The following PPM1L variants were observed in gnomAD, a reference collection of about 807,000 sequenced individuals.
The protein encoded by PPM1L is protein phosphatase, Mg2+/Mn2+ dependent 1L.
A neutral mutation model predicts 31.4 loss-of-function variants in PPM1L; 13 were observed. The observed-to-expected ratio is 0.41, with a 90% CI of 0.27 to 0.66. The LOEUF (loss-of-function observed/expected upper bound fraction) is 0.66. Ranked by LOEUF, PPM1L falls within the 30% of genes least tolerant of loss-of-function variation. The probability of loss-of-function intolerance (pLI) is 0.29; values close to 1 mark genes in which losing one functional copy is unlikely to be tolerated. For missense variants in PPM1L, 326 were observed against 453.7 expected, an observed-to-expected ratio of 0.72 and a Z score of 2.56; for synonymous variants, 184 against 175.4, an observed-to-expected ratio of 1.05 and a Z score of -0.39.
At chr3:160,939,573 A>G (rs1010982394) in intron 1 of PPM1L, 1 of 152,364 alleles carries the variant, frequency 6.6e-6, no homozygotes, top group African/African-American at 2.4e-5. Context: ...TATTCTCATG[A>G]TAGAGAATAA....
intron 1 of PPM1L, among the ~76,000 whole-genome samples, chr3:160,862,622 T>C (rs1471499682): frequency 1.3e-5 from 2 of 150,728 alleles, no homozygotes; most frequent in Non-Finnish European, 2.9e-5. Context: ...ATAGGAGATG[T>C]ACAGAAAGTT....
chr3:160,847,778 A>G (rs1317258701), intron 1 of PPM1L, among the ~76,000 whole-genome samples: 1 of 152,208 alleles, frequency 6.6e-6, no homozygotes, highest in African/African-American at 2.4e-5. Flanking sequence ...ACAATATGCT[A>G]AACTTCTCTC....
intron 1 of PPM1L, among the ~76,000 whole-genome samples, chr3:160,774,498 T>TA (rs952464541): frequency 1.3e-5 from 2 of 152,180 alleles, no homozygotes; most frequent in African/African-American, 2.4e-5. Flanking sequence ...TTTCTTTTTT[T>TA]AAAAAAACCT....
chr3:160,944,783 T>TTATATATTATA (rs1304314117), intron 1 of PPM1L, among the ~76,000 whole-genome samples: 1 of 52,576 alleles, frequency 1.9e-5, no homozygotes, highest in Non-Finnish European at 4.6e-5. Flanking sequence ...ATATATTATA[T>TTATATATTATA]TATATATGTT....
Position 160,898,104 on chromosome 3 carries a change from A to G in PPM1L, c.400-63632A>G, listed in dbSNP as rs553305643. ...TATTTAATGAGTAAAAAGGACCTCC[A>G]GTAAAGAGTAATGCACCATAATTGT... On this transcript the variant is annotated intron_variant, in intron 1 of 3. Transcript: ENST00000498165. Among the ~76,000 whole-genome samples, 127 of 152,342 alleles carry G rather than the reference A, an allele frequency of 8.3e-4. 1 individual carries two copies. The highest frequency in any genetic ancestry group is 2.9e-3 in the African/African-American group (119 of 41,586).
intron 1 of PPM1L, among the ~76,000 whole-genome samples, chr3:160,878,967 T>A (rs1320231070): frequency 1.3e-5 from 2 of 152,220 alleles, no homozygotes; most frequent in African/African-American, 2.4e-5. Context: ...CAAACATTTA[T>A]TAAACTCAGA....
At chr3:161,056,889 C>G (rs1012087904) in intron 2 of PPM1L, among the ~76,000 whole-genome samples, 1 of 152,030 alleles carries the variant, frequency 6.6e-6, no homozygotes, top group Admixed American at 6.6e-5. Flanking sequence ...TGGTGAAACC[C>G]CGTCTCTACT....
intron 1 of PPM1L, among the ~76,000 whole-genome samples, chr3:160,910,241 T>C: frequency 3.1e-5 from 1 of 32,602 alleles, no homozygotes; most frequent in Non-Finnish European, 5.5e-5. Context: ...CCCCTTCCCC[T>C]TTCCTTTCCC....
intron 1 of PPM1L, among the ~76,000 whole-genome samples, chr3:160,959,406 T>G (rs191066217): frequency 6.6e-6 from 1 of 152,280 alleles, no homozygotes; most frequent in Admixed American, 6.5e-5. Flanking sequence ...AAGAACTTAC[T>G]TATATAACCA....
Position 161,070,320 on chromosome 3 carries a change from A to C in PPM1L, c.*1163A>C, listed in dbSNP as rs570411152. ...CTACTGGGATAAGCTTCTCCTTGAC[A>C]ATGGAAAGGCAGCAGTCTTCAACAT... is the stretch of plus-strand genomic sequence containing the variant. On this transcript the variant is annotated 3_prime_UTR_variant, in exon 4 of 4. Transcript: ENST00000498165. 1 of 152,318 alleles carries C rather than the reference A, an allele frequency of 6.6e-6. No individual in the cohort carries two copies. The highest frequency in any genetic ancestry group is 2.1e-4 in the South Asian group (1 of 4,828). The allele number at this position is 152,318 out of a possible 1,614,324, so 9.4% of individuals were successfully genotyped here.
At chr3:160,930,043 G>A (rs1396057557) in intron 1 of PPM1L, among the ~76,000 whole-genome samples, 1 of 152,168 alleles carries the variant, frequency 6.6e-6, no homozygotes, top group Non-Finnish European at 1.5e-5. Flanking sequence ...ATGTGAGAAG[G>A]GGGACACTGT....
Position 160,993,619 on chromosome 3 carries a change from T to A in PPM1L, c.574+31709T>A, listed in dbSNP as rs555443408. On this transcript the variant is annotated intron_variant, in intron 2 of 3. Transcript: ENST00000498165. ...AGAACTAGTTCATGGGCCTCAGCCC[T>A]TAAGAATGTTTTGGTAAATGTGGAG... Among the ~76,000 whole-genome samples, 3 of 152,232 alleles carry A rather than the reference T, an allele frequency of 2.0e-5. No homozygotes were observed. In the East Asian group the frequency reaches 5.8e-4, roughly 29 times the overall value.
chr3:161,062,584 C>G (rs1719606732), intron 2 of PPM1L, among the ~76,000 whole-genome samples: 1 of 152,180 alleles, frequency 6.6e-6, no homozygotes, highest in African/African-American at 2.4e-5. Context: ...AAATATGAAT[C>G]TCATTGTGTC....
intron 1 of PPM1L, among the ~76,000 whole-genome samples, chr3:160,799,091 A>T (rs1374823555): frequency 6.6e-6 from 1 of 152,230 alleles, no homozygotes; most frequent in Admixed American, 6.5e-5. Flanking sequence ...CTTCTTATAC[A>T]TGAGCAAAGA....
intron 1 of PPM1L, among the ~76,000 whole-genome samples, chr3:160,888,268 G>A (rs921700078): frequency 1.3e-5 from 2 of 152,166 alleles, no homozygotes; most frequent in South Asian, 4.1e-4. Flanking sequence ...ACCCATTAGC[G>A]TGCCATATTC....
rs1559943968 is a variant in PPM1L, at chr3:161,069,473, C to A, written c.*316C>A. The stretch of plus-strand genomic sequence containing the variant: ...GTGTCATTTAGTCTCCCTGAAGATT[C>A]TTTTCAAGATCCTGTTCAGGGTCCT... On this transcript the variant is annotated 3_prime_UTR_variant, in exon 4 of 4. Transcript: ENST00000498165. 4 of 302,074 alleles carry A rather than the reference C, an allele frequency of 1.3e-5. No individual in the cohort carries two copies. The East Asian group carries it at 3.2e-4, about 24-fold the overall frequency. 18.7% of individuals were successfully genotyped at this position (302,074 alleles called of 1,614,324 possible). A position where few individuals can be genotyped will look rare whatever the true frequency, so the allele number is the denominator to read the frequency against.
chr3:161,024,358 A>G (rs1012190412), intron 2 of PPM1L, among the ~76,000 whole-genome samples: 1 of 152,082 alleles, frequency 6.6e-6, no homozygotes, highest in Non-Finnish European at 1.5e-5. Context: ...CTTTTAACCA[A>G]TACCCTGGGG....
rs186774345 is a variant in PPM1L, at chr3:160,911,192, C to A, written c.400-50544C>A. Reference sequence around the variant, plus strand: ...ATAGTCTCATCCTTTGGATCTCTTACGTTTGGCAGAATATAAGTAAGAAAT... The same window carrying A: ...ATAGTCTCATCCTTTGGATCTCTTAAGTTTGGCAGAATATAAGTAAGAAAT... On this transcript the variant is annotated intron_variant, in intron 1 of 3. Coordinates refer to ENST00000498165, the MANE Select transcript of PPM1L (RefSeq NM_139245.4). 2.0e-5 allele frequency among the ~76,000 whole-genome samples: 3 copies of A among 152,252 alleles called. No individual in the cohort carries two copies. In the East Asian group the frequency reaches 5.8e-4, roughly 29 times the overall value.
At chr3:160,765,281 A>T (rs1715076618) in intron 1 of PPM1L, among the ~76,000 whole-genome samples, 1 of 152,206 alleles carries the variant, frequency 6.6e-6, no homozygotes, top group South Asian at 2.1e-4. Context: ...CTGTCTCCAA[A>T]GCCTGTTCCA....
Sources: gnomAD v4.1 joint callset for allele counts (sites outside exome capture counted in the v4.1 genomes callset) on GRCh38, gnomAD v4.1.1 for gene constraint, MANE v1.5 for transcripts, NCBI Gene and HGNC (gene_info 2026-07-23, HGNC 2026-07-21) for gene names.